Variants in HPSE2 observed in about 807,000 individuals in gnomAD.
HPSE2 encodes heparanase 2 (inactive), also known as inactive heparanase-2.
A neutral mutation model predicts 60.5 loss-of-function variants in HPSE2; 38 were observed. The ratio of observed to expected loss-of-function variants is 0.63; its 90% CI spans 0.48 to 0.82. The LOEUF is 0.82. HPSE2 is among the 40% of genes least tolerant of loss of function. The pLI is 0.00. For missense variants in HPSE2, 713 were observed against 740.4 expected (o/e 0.96, Z 0.43); for synonymous variants, 295 against 293.2 (o/e 1.01, Z -0.06).
At chr10:98,995,884 G>T (rs1226555123) in intron 3 of HPSE2, among the ~76,000 whole-genome samples, 1 of 152,122 alleles carries the variant, frequency 6.6e-6, no homozygotes, top group South Asian at 2.1e-4. Context: ...TGATTAGTCA[G>T]CAGGAAAGCA....
intron 9 of HPSE2, among the ~76,000 whole-genome samples, chr10:98,496,050 G>A (rs972757727): frequency 6.6e-6 from 1 of 150,740 alleles, no homozygotes; most frequent in Non-Finnish European, 1.5e-5. Context: ...AGTTGTTTTT[G>A]GTGTGTGTGT....
At chr10:98,761,795 T>C (rs1387025082) in intron 3 of HPSE2, among the ~76,000 whole-genome samples, 1 of 152,176 alleles carries the variant, frequency 6.6e-6, no homozygotes, top group Non-Finnish European at 1.5e-5. Context: ...GTGAGTTTCA[T>C]GGTCTTATGT....
chr10:99,120,237 C>CTT (rs1844892982), intron 3 of HPSE2, among the ~76,000 whole-genome samples: 1 of 151,898 alleles, frequency 6.6e-6, no homozygotes, highest in Non-Finnish European at 1.5e-5. Context: ...GGAACTTAAA[C>CTT]AAATTTACGA....
the HPSE2 span, among the ~76,000 whole-genome samples, chr10:99,263,630 A>G: frequency 6.6e-6 from 1 of 151,948 alleles, no homozygotes; most frequent in Non-Finnish European, 1.5e-5. Flanking sequence ...TCTGTCCCTC[A>G]TGGCCAGTTT....
intron 6 of HPSE2, among the ~76,000 whole-genome samples, chr10:98,681,951 T>C (rs1213459144): frequency 1.3e-5 from 2 of 152,240 alleles, no homozygotes. Context: ...TGTGGGGTTA[T>C]GTCATAATAA....
chr10:98,751,113 T>C (rs543204228), intron 3 of HPSE2, among the ~76,000 whole-genome samples: 5 of 152,268 alleles, frequency 3.3e-5, no homozygotes, highest in Admixed American at 3.3e-4. Context: ...CCCACCTTTT[T>C]ATCCTGTTTT....
At chr10:98,935,151 CT>C (rs1377097079) in intron 3 of HPSE2, among the ~76,000 whole-genome samples, 1 of 142,344 alleles carries the variant, frequency 7.0e-6, no homozygotes, top group Non-Finnish European at 1.5e-5. Context: ...TTATGTTCCT[CT>C]CTAGACTGGT....
chr10:98,757,977 G>A (rs1169727514), intron 3 of HPSE2, among the ~76,000 whole-genome samples: 1 of 152,038 alleles, frequency 6.6e-6, no homozygotes, highest in Non-Finnish European at 1.5e-5. Flanking sequence ...GCACAGTACT[G>A]GTACAAAAAC....
chr10:98,861,494 T>C (rs962575887), intron 3 of HPSE2, among the ~76,000 whole-genome samples: 7 of 152,294 alleles, frequency 4.6e-5, no homozygotes, highest in African/African-American at 1.7e-4. Context: ...GGCACCACCA[T>C]AGAACTTCTA....
At chr10:98,780,071 T>G (rs956151844) in intron 3 of HPSE2, among the ~76,000 whole-genome samples, 4 of 151,966 alleles carry the variant, frequency 2.6e-5, no homozygotes, top group Non-Finnish European at 5.9e-5. Context: ...TCTATGACAA[T>G]AAAATGGAGG....
At chr10:99,251,193 C>G in the HPSE2 span, among the ~76,000 whole-genome samples, 1 of 152,044 alleles carries the variant, frequency 6.6e-6, no homozygotes, top group African/African-American at 2.4e-5. Flanking sequence ...TACAAAAGAT[C>G]CTCAGAGACT....
chr10:99,178,279 T>C lies in HPSE2; in HGVS notation c.449-33880A>G, dbSNP rs544681566. On this transcript the variant is annotated intron_variant, in intron 2 of 11. Coordinates refer to ENST00000370552, the MANE Select transcript of HPSE2 (RefSeq NM_021828.5). ...GAAATAACTAACATCACAGCAGAAC[T>C]GAAGGAGATAGAGACACGAAAAATG... Among the ~76,000 whole-genome samples, 11 of 151,000 alleles carry C rather than the reference T, an allele frequency of 7.3e-5. No individual in the cohort carries two copies. The South Asian group carries it at 2.1e-3, about 29-fold the overall frequency.
At chr10:99,167,514 A>C (rs764266040) in intron 2 of HPSE2, among the ~76,000 whole-genome samples, 7 of 152,216 alleles carry the variant, frequency 4.6e-5, no homozygotes, top group Non-Finnish European at 1.0e-4. Context: ...TCATTTGTTG[A>C]AAAGACTCTC....
chr10:98,792,840 C>A (rs1208688298), intron 3 of HPSE2, among the ~76,000 whole-genome samples: 1 of 152,126 alleles, frequency 6.6e-6, no homozygotes, highest in African/African-American at 2.4e-5. Flanking sequence ...GGGGTAAATA[C>A]AGCCTCAGAG....
intron 3 of HPSE2, among the ~76,000 whole-genome samples, chr10:98,926,128 G>A (rs567209607): frequency 9.2e-5 from 14 of 152,134 alleles, no homozygotes; most frequent in African/African-American, 2.4e-4. Flanking sequence ...ATATCCCCCT[G>A]GTAGAAAGTG....
chr10:98,688,453 C>A (rs1947975972), intron 6 of HPSE2, among the ~76,000 whole-genome samples: 1 of 113,716 alleles, frequency 8.8e-6, no homozygotes, highest in African/African-American at 3.1e-5. Context: ...TGAAGAATTT[C>A]CTTTAGCATT....
chr10:98,532,707 G>A (rs1256176764), intron 9 of HPSE2, among the ~76,000 whole-genome samples: 1 of 152,210 alleles, frequency 6.6e-6, no homozygotes, highest in African/African-American at 2.4e-5. Context: ...AAATAAAGGA[G>A]TAGGAGAAGA....
intron 3 of HPSE2, among the ~76,000 whole-genome samples, chr10:98,843,991 A>T (rs1326820495): frequency 1.3e-5 from 2 of 152,178 alleles, no homozygotes; most frequent in Non-Finnish European, 2.9e-5. Flanking sequence ...TGGTAGTTTC[A>T]TTGTAAAACA....
intron 3 of HPSE2, among the ~76,000 whole-genome samples, chr10:98,745,516 A>G (rs1054275952): frequency 6.6e-6 from 1 of 152,168 alleles, no homozygotes. Flanking sequence ...ACTCACCCAT[A>G]ATTTTCCCCT....
Sources: gnomAD v4.1 joint callset for allele counts (sites outside exome capture counted in the v4.1 genomes callset) on GRCh38, gnomAD v4.1.1 for gene constraint, MANE v1.5 for transcripts, NCBI Gene and HGNC (gene_info 2026-07-23, HGNC 2026-07-21) for gene names.